Variants in TYW1 observed in about 807,000 individuals in gnomAD.
TYW1 encodes tRNA-yW synthesizing protein 1 homolog.
A neutral mutation model predicts 96.2 loss-of-function variants in TYW1; 46 were observed. The ratio of observed to expected loss-of-function variants is 0.48; its 90% CI spans 0.38 to 0.61. TYW1 has a LOEUF of 0.61. Ranked by LOEUF, TYW1 falls within the 20% of genes least tolerant of loss-of-function variation. The pLI is 0.00. For synonymous variants in TYW1, 274 were observed against 323.0 expected, an observed-to-expected ratio of 0.85 and a Z score of 1.63; for missense variants, 684 against 909.6, an observed-to-expected ratio of 0.75 and a Z score of 3.19.
At chr7:67,136,061 G>A (rs1366484895) in intron 13 of TYW1, among the ~76,000 whole-genome samples, 1 of 152,130 alleles carries the variant, frequency 6.6e-6, no homozygotes, top group African/African-American at 2.4e-5. Flanking sequence ...GAAATTGAAG[G>A]TCACAGAGCT....
At chr7:67,208,075 C>T (rs1800870333) in intron 15 of TYW1, among the ~76,000 whole-genome samples, 2 of 152,146 alleles carry the variant, frequency 1.3e-5, no homozygotes, top group African/African-American at 2.4e-5. Context: ...CATCTGTAAT[C>T]CCAGCACTTT....
At chr7:67,074,284 T>A (rs1031704604) in intron 10 of TYW1, among the ~76,000 whole-genome samples, 2 of 152,174 alleles carry the variant, frequency 1.3e-5, no homozygotes, top group Admixed American at 6.5e-5. Flanking sequence ...TTTTCTTGTT[T>A]CACAGTTTAC....
intron 15 of TYW1, among the ~76,000 whole-genome samples, chr7:67,210,938 A>G (rs1206353501): frequency 6.6e-6 from 1 of 150,460 alleles, no homozygotes; most frequent in Admixed American, 6.6e-5. Flanking sequence ...CCATCCATCC[A>G]TCCATCATCT....
chr7:67,116,301 G>A (rs1584581322), intron 12 of TYW1, among the ~76,000 whole-genome samples: 1 of 150,728 alleles, frequency 6.6e-6, no homozygotes, highest in East Asian at 1.9e-4. Flanking sequence ...CTCTAGCCTG[G>A]GTGGCAGAGG....
chr7:67,045,110 G>A (rs1279466203), intron 7 of TYW1, among the ~76,000 whole-genome samples: 5 of 152,126 alleles, frequency 3.3e-5, no homozygotes, highest in African/African-American at 7.2e-5. Flanking sequence ...AGCAAATCAG[G>A]TTTTGGCCTT....
chr7:67,042,080 A>C (rs1266538073), intron 7 of TYW1, among the ~76,000 whole-genome samples: 1 of 147,308 alleles, frequency 6.8e-6, no homozygotes, highest in Non-Finnish European at 1.5e-5. Flanking sequence ...TTATATTAGA[A>C]TTATATAACA....
At chr7:67,217,846 CTTTTTTTTTTTTTTT>C (rs57748332) in intron 15 of TYW1, among the ~76,000 whole-genome samples, 1 of 69,234 alleles carries the variant, frequency 1.4e-5, no homozygotes, top group African/African-American at 5.8e-5. Context: ...GTGTTGATGT[CTTTTTTTTTTTTTTT>C]TTTTTTTTTT....
At chr7:67,221,193 A>G (rs939965704) in intron 15 of TYW1, among the ~76,000 whole-genome samples, 1 of 152,198 alleles carries the variant, frequency 6.6e-6, no homozygotes, top group African/African-American at 2.4e-5. Flanking sequence ...CTAAATGTTT[A>G]TAATAGTTAT....
chr7:67,118,697 C>G (rs1394179940), intron 13 of TYW1, among the ~76,000 whole-genome samples: 1 of 151,624 alleles, frequency 6.6e-6, no homozygotes, highest in African/African-American at 2.4e-5. Flanking sequence ...GAGTTCAAGA[C>G]CAGCCTGGCA....
intron 13 of TYW1, among the ~76,000 whole-genome samples, chr7:67,171,061 G>T (rs1246933091): frequency 6.6e-6 from 1 of 151,928 alleles, no homozygotes; most frequent in Non-Finnish European, 1.5e-5. Context: ...TTTTTTGATT[G>T]TTCAATCTCT....
At chr7:67,118,435 A>G (rs1797663095) in intron 13 of TYW1, among the ~76,000 whole-genome samples, 1 of 152,178 alleles carries the variant, frequency 6.6e-6, no homozygotes, top group African/African-American at 2.4e-5. Context: ...TATAATATGT[A>G]GTACAATGTA....
intron 3 of TYW1, among the ~76,000 whole-genome samples, chr7:67,005,731 CTGTT>C (rs1793557362): frequency 6.6e-6 from 1 of 152,236 alleles, no homozygotes; most frequent in Admixed American, 6.5e-5. Context: ...ACCTCAGTGA[CTGTT>C]TGAAAACTTA....
intron 4 of TYW1, 31 bp downstream of exon 4, chr7:67,009,715 C>T (rs778023646): frequency 3.6e-5 from 55 of 1,545,242 alleles, no homozygotes; most frequent in Non-Finnish European, 4.8e-5. Flanking sequence ...TCAGTCAAAA[C>T]TCTCAAATTT....
At chr7:67,062,214 G>A (rs1398456739) in intron 9 of TYW1, among the ~76,000 whole-genome samples, 1 of 152,016 alleles carries the variant, frequency 6.6e-6, no homozygotes, top group Non-Finnish European at 1.5e-5. Flanking sequence ...TTTGAGACCA[G>A]CCTGGCCAAT....
Position 67,183,227 on chromosome 7 carries a change from C to T in TYW1, c.1800C>T (p.Ile600=), listed in dbSNP as rs145674605. The T allele has an allele frequency of 2.2e-5, 35 of 1,602,204 alleles. No homozygotes were observed. The highest frequency in any genetic ancestry group is 1.8e-4 in the South Asian group (16 of 88,576). ...TGTCCCTGGGGAATCCTGACTTCAT[C>T]GAAGTGAAGGTAAGCCCCTGCTGAC... ...QLVSLGNPDF[I]EVKGVTYCGE... Residue 600 remains isoleucine, a synonymous_variant, in exon 14 of 16, where the codon ATC becomes ATT. Coordinates refer to ENST00000359626, the MANE Select transcript of TYW1 (RefSeq NM_018264.4).
chr7:67,124,149 A>T (rs10274048), intron 13 of TYW1, among the ~76,000 whole-genome samples: 41,279 of 152,218 alleles, frequency 0.27, 6,425 homozygotes, highest in African/African-American at 0.43. Flanking sequence ...AACAGTTACT[A>T]TACTGCATTA....
intron 13 of TYW1, among the ~76,000 whole-genome samples, chr7:67,136,746 C>G (rs1798273078): frequency 6.6e-6 from 1 of 151,974 alleles, no homozygotes; most frequent in African/African-American, 2.4e-5. Context: ...AAATTATTGA[C>G]TGTCAAAACT....
intron 12 of TYW1, among the ~76,000 whole-genome samples, chr7:67,100,547 G>A (rs1797053911): frequency 6.6e-6 from 1 of 151,914 alleles, no homozygotes; most frequent in Non-Finnish European, 1.5e-5. Flanking sequence ...TAAAGTATAA[G>A]ATTGTAAGAA....
At chr7:67,014,216 C>T (rs1307885495) in intron 4 of TYW1, 151 bp from the exon 5 acceptor site, 1 of 1,121,772 alleles carries the variant, frequency 8.9e-7, no homozygotes, top group African/African-American at 1.6e-5. Context: ...TGCTGTGTTT[C>T]TTAGTCATGC....
Sources: allele counts gnomAD v4.1 joint callset (sites outside exome capture counted in the v4.1 genomes callset), GRCh38; gene constraint gnomAD v4.1.1; transcripts MANE v1.5; gene names NCBI Gene and HGNC (gene_info 2026-07-23, HGNC 2026-07-21).